SPOCK2: variants seen among roughly 807,000 people sequenced by gnomAD.
SPOCK2 encodes the protein SPARC (osteonectin), cwcv and kazal like domains proteoglycan 2, also known as testican-2.
A neutral mutation model predicts 60.1 loss-of-function variants in SPOCK2; 39 were observed. The observed-to-expected ratio is 0.65, with a 90% CI of 0.50 to 0.85. The LOEUF (loss-of-function observed/expected upper bound fraction) is 0.85, where lower values mean the gene tolerates loss of function less well. Ranked by LOEUF, SPOCK2 falls within the 40% of genes least tolerant of loss-of-function variation. The pLI, the probability that SPOCK2 is intolerant of heterozygous loss-of-function variation, is 0.00. For synonymous variants in SPOCK2, 217 were observed against 231.5 expected, an observed-to-expected ratio of 0.94 and a Z score of 0.57; for missense variants, 523 against 567.4, an observed-to-expected ratio of 0.92 and a Z score of 0.80.
At chr10:72,082,680 C>A (rs929085852) in intron 1 of SPOCK2, among the ~76,000 whole-genome samples, 6 of 151,662 alleles carry the variant, frequency 4.0e-5, no homozygotes, top group Non-Finnish European at 8.8e-5. Context: ...ATGGTGAAAC[C>A]CCCTGTCTAC....
chr10:72,082,907 C>T (rs959575787), intron 1 of SPOCK2, among the ~76,000 whole-genome samples: 1 of 147,232 alleles, frequency 6.8e-6, no homozygotes, highest in Admixed American at 6.7e-5. Context: ...CATGCTCTCT[C>T]TCTCAGCCAT....
chr10:72,067,620 C>T lies in SPOCK2; in HGVS notation c.702G>A (p.Pro234=), dbSNP rs144321258. 74 of 1,612,644 alleles carry T rather than the reference C, an allele frequency of 4.6e-5. No individual in the cohort carries two copies. Among genetic ancestry groups the T allele is most frequent in the Non-Finnish European group, 5.9e-5 (70 of 1,179,996 alleles). Reference sequence around the variant, plus strand: ...GAGCAGCAAGCTTCCTACCGCTGGCCGGGCCGGCTACACTGCTGGCTGAGC... The same window carrying T: ...GAGCAGCAAGCTTCCTACCGCTGGCTGGGCCGGCTACACTGCTGGCTGAGC... ...QNGSASSVAG[P]ASGLDKSLGA... Residue 234 remains proline, a synonymous_variant, in exon 7 of 11, where the codon CCG becomes CCA. Coordinates refer to ENST00000373109, the MANE Select transcript of SPOCK2 (RefSeq NM_001244950.2).
At chr10:72,077,683 C>T (rs1382032033) in intron 1 of SPOCK2, among the ~76,000 whole-genome samples, 7 of 152,218 alleles carry the variant, frequency 4.6e-5, no homozygotes, top group Non-Finnish European at 1.0e-4. Flanking sequence ...TTCCTCCCTC[C>T]GAGGGTGCCT....
intron 6 of SPOCK2, 117 bp downstream of exon 6, chr10:72,068,070 T>C: frequency 1.7e-6 from 2 of 1,199,986 alleles, no homozygotes; most frequent in Non-Finnish European, 2.4e-6. Flanking sequence ...TCAAGCTTTC[T>C]GCATTTTTGC....
intron 1 of SPOCK2, among the ~76,000 whole-genome samples, chr10:72,074,602 G>GT (rs1840690796): frequency 6.6e-6 from 1 of 152,220 alleles, no homozygotes; most frequent in Non-Finnish European, 1.5e-5. Context: ...CAGAAACGAG[G>GT]TAACAAAACC....
At position 72,087,083 on chromosome 10, in the gene SPOCK2, G is replaced by A. The variant is rs1000533952; in HGVS notation, c.189+1057C>T. On this transcript the variant is annotated intron_variant, in intron 1 of 10. Transcript: ENST00000373109. This position sits in a 1 kb window ranked among gnomAD's most constrained non-coding sequence, Gnocchi z 4.7. ...CACCAGGTCGCCAGGAGCAGCCGGC[G>A]TCGCCTCTGGCGCATCCGGGCCCAT... 4.9e-6 allele frequency: 7 copies of A among 1,419,096 alleles called. No individual in the cohort carries two copies. The highest frequency in any genetic ancestry group is 5.7e-6 in the Non-Finnish European group (6 of 1,056,610). The allele number at this position is 1,419,096 out of a possible 1,614,324, so 87.9% of individuals were successfully genotyped here.
chr10:72,063,784 T>C (rs1437913484), intron 9 of SPOCK2, among the ~76,000 whole-genome samples: 1 of 152,138 alleles, frequency 6.6e-6, no homozygotes, highest in Non-Finnish European at 1.5e-5. Context: ...CTATTGCTGT[T>C]GTATCTCTGG....
intron 1 of SPOCK2, among the ~76,000 whole-genome samples, chr10:72,085,630 T>G (rs1000274800): frequency 3.9e-5 from 6 of 152,162 alleles, no homozygotes; most frequent in African/African-American, 1.4e-4. Flanking sequence ...CCACTCGTCC[T>G]GCTTGCCTCC....
Position 72,087,128 on chromosome 10 carries a change from G to A in SPOCK2, c.189+1012C>T. 1.1e-6 allele frequency: 1 copy of A among 944,832 alleles called. No individual in the cohort carries two copies. The highest frequency in any genetic ancestry group is 1.5e-6 in the Non-Finnish European group (1 of 655,092). 58.5% of individuals were successfully genotyped at this position (944,832 alleles called of 1,614,324 possible). A position where few individuals can be genotyped will look rare whatever the true frequency, so the allele number is the denominator to read the frequency against. On this transcript the variant is annotated intron_variant, in intron 1 of 10. Transcript: ENST00000373109. The surrounding 1 kb of genome is among the most constrained non-coding windows in gnomAD (Gnocchi z 4.7). ...GCCCATCCCCCACAGCACCCCCAAC[G>A]ATCTCGGGGTCCAGCCACACCCTCC...
At chr10:72,077,990 C>T (rs540465759) in intron 1 of SPOCK2, among the ~76,000 whole-genome samples, 45 of 152,280 alleles carry the variant, frequency 3.0e-4, no homozygotes, top group African/African-American at 1.1e-3. Context: ...AATTCTGACC[C>T]GGTCTCTCTC....
chr10:72,064,849 G>A (rs896887907), intron 8 of SPOCK2, among the ~76,000 whole-genome samples: 5 of 151,452 alleles, frequency 3.3e-5, no homozygotes, highest in Admixed American at 1.3e-4. Flanking sequence ...TCCTGCCTCA[G>A]CCTCCCGAGC....
At chr10:72,076,137 CCA>C (rs1840712407) in intron 1 of SPOCK2, among the ~76,000 whole-genome samples, 2 of 152,098 alleles carry the variant, frequency 1.3e-5, no homozygotes, top group South Asian at 4.2e-4. Context: ...ACAGCAGAGA[CCA>C]GAAGGGATAC....
At chr10:72,073,871 AAAACACCT>A (rs1840681103) in intron 1 of SPOCK2, among the ~76,000 whole-genome samples, 1 of 152,194 alleles carries the variant, frequency 6.6e-6, no homozygotes, top group Non-Finnish European at 1.5e-5. Context: ...CAGTTGCTAA[AAAACACCT>A]AACAGTCCCA....
rs1210204432 is a variant in SPOCK2, at chr10:72,087,657, C to T, written c.189+483G>A. 1.3e-5 allele frequency among the ~76,000 whole-genome samples: 2 copies of T among 152,174 alleles called. No individual in the cohort carries two copies. Among genetic ancestry groups the T allele is most frequent in the Non-Finnish European group, 2.9e-5 (2 of 68,006 alleles). Reference sequence around the variant, plus strand: ...CAAAGCCCACGGTGGGAACAGAGGGCACCGCGCGAGCCGATGCCACCCTCA... The same window carrying T: ...CAAAGCCCACGGTGGGAACAGAGGGTACCGCGCGAGCCGATGCCACCCTCA... On this transcript the variant is annotated intron_variant, in intron 1 of 10. Coordinates refer to ENST00000373109, the MANE Select transcript of SPOCK2 (RefSeq NM_001244950.2). The surrounding 1 kb of genome is among the most constrained non-coding windows in gnomAD (Gnocchi z 4.7).
At chr10:72,088,638 A>C, upstream of SPOCK2, 2 of 268,636 alleles carry the variant, frequency 7.4e-6, no homozygotes, top group Non-Finnish European at 1.4e-5. Flanking sequence ...AAAAAAAAAA[A>C]AGGAGTGGGT....
At chr10:72,069,321 G>A (rs1260691805) in intron 5 of SPOCK2, 1 of 152,386 alleles carries the variant, frequency 6.6e-6, no homozygotes, top group African/African-American at 2.4e-5. Flanking sequence ...CACAGCGGGT[G>A]ACTGAAATCT....
At chr10:72,082,775 G>A (rs749634994) in intron 1 of SPOCK2, among the ~76,000 whole-genome samples, 15 of 148,164 alleles carry the variant, frequency 1.0e-4, no homozygotes, top group South Asian at 6.5e-4. Context: ...GATCGCTTGA[G>A]TCCAGGAGGT....
intron 4 of SPOCK2, 50 bp downstream of exon 4, chr10:72,072,094 G>T: frequency 7.2e-7 from 1 of 1,396,416 alleles, no homozygotes; most frequent in Non-Finnish European, 9.5e-7. Flanking sequence ...TTGAGCCCTT[G>T]CTCTTTGAAC....
chr10:72,065,597 C>A (rs72806275), intron 8 of SPOCK2, among the ~76,000 whole-genome samples: 2,814 of 152,332 alleles, frequency 0.018, 39 homozygotes, highest in South Asian at 0.031. Context: ...AACTTGTCTG[C>A]GACCTTGGGA....
Sources: gnomAD v4.1 joint callset for allele counts (sites outside exome capture counted in the v4.1 genomes callset) on GRCh38, gnomAD v4.1.1 for gene constraint, Gnocchi (gnomAD v3.1) non-coding constraint, MANE v1.5 for transcripts, NCBI Gene and HGNC (gene_info 2026-07-23, HGNC 2026-07-21) for gene names.